Variants in EBF1 observed in about 807,000 individuals in gnomAD.
EBF1 encodes the protein transcription factor COE1.
A neutral mutation model predicts 68.4 loss-of-function variants in EBF1; 10 were observed. That is an observed-to-expected ratio of 0.15 (90% CI 0.09 to 0.25). The LOEUF (loss-of-function observed/expected upper bound fraction) is 0.25, where lower values mean the gene tolerates loss of function less well. Ranked by LOEUF, EBF1 falls within the 10% of genes least tolerant of loss-of-function variation. The pLI is 1.00. For synonymous variants in EBF1, 298 were observed against 299.8 expected, an observed-to-expected ratio of 0.99 and a Z score of 0.06; for missense variants, 509 against 794.4, an observed-to-expected ratio of 0.64 and a Z score of 4.32.
intron 7 of EBF1, among the ~76,000 whole-genome samples, chr5:158,831,215 C>T (rs892235123): frequency 6.6e-6 from 1 of 152,100 alleles, no homozygotes; most frequent in Non-Finnish European, 1.5e-5. Context: ...CATGTGTGCT[C>T]TGTAACGATG....
At chr5:158,869,578 AAC>A (rs3035120) in intron 6 of EBF1, among the ~76,000 whole-genome samples, 15,549 of 145,062 alleles carry the variant, frequency 0.11, 1,242 homozygotes, top group East Asian at 0.42. Context: ...GATCCTAATA[AAC>A]ACACACACAC....
At chr5:158,956,066 G>C (rs1439062096) in intron 6 of EBF1, among the ~76,000 whole-genome samples, 4 of 148,526 alleles carry the variant, frequency 2.7e-5, no homozygotes, top group Admixed American at 2.7e-4. Context: ...GTGTGTGTGT[G>C]TGTGTGTGTG....
chr5:158,874,580 T>G (rs1797464555), intron 6 of EBF1, among the ~76,000 whole-genome samples: 1 of 152,184 alleles, frequency 6.6e-6, no homozygotes, highest in Non-Finnish European at 1.5e-5. Flanking sequence ...GGCTCAGGTA[T>G]GCATGTAAAG....
At chr5:159,002,745 C>G (rs1762786716) in intron 6 of EBF1, among the ~76,000 whole-genome samples, 1 of 152,156 alleles carries the variant, frequency 6.6e-6, no homozygotes, top group Non-Finnish European at 1.5e-5. Flanking sequence ...GAAAGCAGTA[C>G]TTCATCTTTA....
chr5:158,760,185 C>A (rs186422077), intron 10 of EBF1, among the ~76,000 whole-genome samples: 1 of 152,156 alleles, frequency 6.6e-6, no homozygotes, highest in Admixed American at 6.5e-5. Flanking sequence ...AGTTTCAGGC[C>A]AAATTTATTT....
chr5:159,076,795 G>C (rs1284566133), intron 5 of EBF1, among the ~76,000 whole-genome samples: 1 of 152,098 alleles, frequency 6.6e-6, no homozygotes, highest in Non-Finnish European at 1.5e-5. Context: ...GTATGATTCT[G>C]TTAAATATAT....
In EBF1 at chr5:159,099,575, A is replaced by C; in HGVS notation, c.-97T>G. On this transcript the variant is annotated 5_prime_UTR_variant, in exon 1 of 16. Coordinates refer to ENST00000313708, the MANE Select transcript of EBF1 (RefSeq NM_024007.5). Reference sequence around the variant, plus strand: ...AAGAAAGAAAAGAAAAGAAACAAAAACGCCAACCAGAGATTTTTTTTTTTC... The same window carrying C: ...AAGAAAGAAAAGAAAAGAAACAAAACCGCCAACCAGAGATTTTTTTTTTTC... The C allele has an allele frequency of 8.0e-5, 104 of 1,307,918 alleles. No individual in the cohort carries two copies. Among genetic ancestry groups the C allele is most frequent in the Non-Finnish European group, 9.3e-5 (93 of 1,001,780 alleles). 81.0% of individuals were successfully genotyped at this position (1,307,918 alleles called of 1,614,324 possible).
chr5:158,812,656 T>C (rs1303803465), intron 8 of EBF1, among the ~76,000 whole-genome samples: 3 of 152,142 alleles, frequency 2.0e-5, no homozygotes, highest in Non-Finnish European at 4.4e-5. Flanking sequence ...TTGCTGCTCT[T>C]TCTGTCATCT....
At chr5:158,702,286 G>A (rs1349800438) in intron 15 of EBF1, among the ~76,000 whole-genome samples, 1 of 151,954 alleles carries the variant, frequency 6.6e-6, no homozygotes, top group African/African-American at 2.4e-5. Flanking sequence ...GAGAGGGATG[G>A]GTGTCTGGAG....
intron 6 of EBF1, among the ~76,000 whole-genome samples, chr5:159,039,608 C>T (rs767555087): frequency 4.6e-5 from 7 of 152,276 alleles, no homozygotes; most frequent in African/African-American, 1.2e-4. Flanking sequence ...AAAGTAACTT[C>T]GCTATTAAAT....
At chr5:159,052,114 C>T (rs1464346572) in intron 6 of EBF1, among the ~76,000 whole-genome samples, 1 of 151,940 alleles carries the variant, frequency 6.6e-6, no homozygotes, top group Non-Finnish European at 1.5e-5. Context: ...GAAGTATCTA[C>T]CATGAACGCA....
intron 6 of EBF1, among the ~76,000 whole-genome samples, chr5:158,907,256 C>T (rs1324234514): frequency 6.6e-6 from 1 of 152,152 alleles, no homozygotes; most frequent in South Asian, 2.1e-4. Context: ...TTGTGCACAG[C>T]AATACCACAT....
Position 158,712,348 on chromosome 5 carries a change from C to T in EBF1, c.1370-15G>A. The stretch of plus-strand genomic sequence containing the variant: ...GCGGGTGAAACCTGAGGGGCGGGGG[C>T]AAAACCGGAGGTGAGGGTGGCATTC... On this transcript the variant is annotated splice_polypyrimidine_tract_variant and intron_variant, in intron 13 of 15. Coordinates refer to ENST00000313708, the MANE Select transcript of EBF1 (RefSeq NM_024007.5). The T allele has an allele frequency of 6.2e-7, 1 of 1,611,992 alleles. No individual in the cohort carries two copies.
chr5:158,764,127 T>C (rs980008178), intron 10 of EBF1, among the ~76,000 whole-genome samples: 1 of 152,126 alleles, frequency 6.6e-6, no homozygotes, highest in Non-Finnish European at 1.5e-5. Flanking sequence ...AAAAATGGAG[T>C]CTCAGAGTGG....
At chr5:158,886,272 G>A (rs545652878) in intron 6 of EBF1, among the ~76,000 whole-genome samples, 16 of 152,332 alleles carry the variant, frequency 1.1e-4, no homozygotes, top group South Asian at 4.1e-4. Context: ...CCCAACAGAC[G>A]CTCCTTGCAT....
chr5:158,923,038 G>A (rs1808788509), intron 6 of EBF1, among the ~76,000 whole-genome samples: 1 of 152,190 alleles, frequency 6.6e-6, no homozygotes, highest in African/African-American at 2.4e-5. Flanking sequence ...TAGCAGGAGG[G>A]GCGATTTGAA....
At chr5:158,932,894 G>A (rs1368363320) in intron 6 of EBF1, among the ~76,000 whole-genome samples, 2 of 152,142 alleles carry the variant, frequency 1.3e-5, no homozygotes, top group South Asian at 2.1e-4. Flanking sequence ...AACATTTGGA[G>A]CCCAGATCAT....
intron 6 of EBF1, among the ~76,000 whole-genome samples, chr5:158,892,822 C>G (rs1316767347): frequency 6.6e-6 from 1 of 152,102 alleles, no homozygotes; most frequent in Admixed American, 6.6e-5. Context: ...CACTCAATTT[C>G]TATTCTTATT....
chr5:158,759,039 A>G lies in EBF1; in HGVS notation c.1036+18374T>C, dbSNP rs139370516. On this transcript the variant is annotated intron_variant, in intron 10 of 15. Coordinates refer to ENST00000313708, the MANE Select transcript of EBF1 (RefSeq NM_024007.5). ...AATATTCTCTTCCCTTGGAACCAAT[A>G]AATCTTGAAAATTAAAAGACAAAGT... 1.2e-3 allele frequency among the ~76,000 whole-genome samples: 178 copies of G among 152,310 alleles called. 1 individual carries two copies. The highest frequency in any genetic ancestry group is 3.8e-3 in the African/African-American group (159 of 41,564).
Sources: gnomAD v4.1 joint callset for allele counts (sites outside exome capture counted in the v4.1 genomes callset) on GRCh38, gnomAD v4.1.1 for gene constraint, MANE v1.5 for transcripts, NCBI Gene and HGNC (gene_info 2026-07-23, HGNC 2026-07-21) for gene names.